FOXN3: variants seen among roughly 807,000 people sequenced by gnomAD.
The protein encoded by FOXN3 is forkhead box N3.
In FOXN3, 7 loss-of-function variants were observed where a neutral mutation model predicts 38.4. The observed-to-expected ratio is 0.18, with a 90% CI of 0.10 to 0.34. FOXN3 has a LOEUF of 0.34. Ranked by LOEUF, FOXN3 falls within the 10% of genes least tolerant of loss-of-function variation. FOXN3 has a pLI of 1.00. For synonymous variants in FOXN3, 230 were observed against 242.2 expected, an observed-to-expected ratio of 0.95 and a Z score of 0.47; for missense variants, 456 against 613.4, an observed-to-expected ratio of 0.74 and a Z score of 2.71.
intron 1 of FOXN3, among the ~76,000 whole-genome samples, chr14:89,457,376 C>G (rs1892748331): frequency 6.6e-6 from 1 of 152,138 alleles, no homozygotes; most frequent in Admixed American, 6.5e-5. Flanking sequence ...GATACCTGGA[C>G]CTGTTTACTA....
intron 1 of FOXN3, among the ~76,000 whole-genome samples, chr14:89,580,584 A>G (rs1184062750): frequency 6.6e-6 from 1 of 152,066 alleles, no homozygotes; most frequent in Non-Finnish European, 1.5e-5. Flanking sequence ...CCTCTGCCCA[A>G]CCTCCATCTG....
rs573151962 is a variant in FOXN3 at position 89,250,527 on chromosome 14, A to AAAGGG, written c.745+30422_745+30423insCCCTT. 2.0e-4 allele frequency among the ~76,000 whole-genome samples: 30 copies of AAAGGG among 152,380 alleles called. 1 individual carries two copies. The South Asian group carries it at 6.0e-3, about 30-fold the overall frequency. On this transcript the variant is annotated intron_variant, in intron 4 of 5. Coordinates refer to ENST00000557258, the MANE Select transcript of FOXN3 (RefSeq NM_005197.4). The stretch of plus-strand genomic sequence containing the variant: ...GCAAAAACACCTGTTGGTTATAAAG[A>AAAGGG]AAAGCAGCCTTTGATGTCTCCCAGA...
rs1032063820 is a variant in FOXN3, at chr14:89,295,762, A to ATTTTTTTTT, written c.681-14757_681-14749dup. 1.5e-3 allele frequency among the ~76,000 whole-genome samples: 187 copies of ATTTTTTTTT among 123,210 alleles called. 4 individuals carry two copies. Among genetic ancestry groups the ATTTTTTTTT allele is most frequent in the African/African-American group, 5.4e-3 (176 of 32,764 alleles). 80.8% of individuals were successfully genotyped at this position (123,210 alleles called of 152,430 possible). A position where few individuals can be genotyped will look rare whatever the true frequency, so the allele number is the denominator to read the frequency against. ...GCCACCATGCCTGGCTAATTTTTGC[A>ATTTTTTTTT]TTTTTTTTTTTTTTTTTTGTAGAGA... is the stretch of plus-strand genomic sequence containing the variant. On this transcript the variant is annotated intron_variant, in intron 3 of 5. Coordinates refer to ENST00000557258, the MANE Select transcript of FOXN3 (RefSeq NM_005197.4).
chr14:89,521,681 T>C (rs1364219354), intron 1 of FOXN3, among the ~76,000 whole-genome samples: 2 of 151,938 alleles, frequency 1.3e-5, no homozygotes, highest in African/African-American at 2.4e-5. Flanking sequence ...CCAAGCAAAA[T>C]ACATGCAAAG....
Position 89,588,339 on chromosome 14 carries a change from G to A in FOXN3, c.-15+30689C>T, listed in dbSNP as rs557896994. On this transcript the variant is annotated intron_variant, in intron 1 of 6. Coordinates refer to the FOXN3 transcript ENST00000345097. ...AAACTTCTTTTCTTATAAATTACCCGGTCTCAGGTATTTATAGCAATGCAA... is the reference window on the plus strand; with the variant it reads ...AAACTTCTTTTCTTATAAATTACCCAGTCTCAGGTATTTATAGCAATGCAA... Among the ~76,000 whole-genome samples the A allele has an allele frequency of 9.2e-5, 14 of 152,006 alleles. 1 individual carries two copies. The highest frequency in any genetic ancestry group is 7.8e-4 in the East Asian group (4 of 5,148).
At chr14:89,387,870 A>G (rs1008436027) in intron 2 of FOXN3, among the ~76,000 whole-genome samples, 2 of 152,210 alleles carry the variant, frequency 1.3e-5, no homozygotes, top group African/African-American at 4.8e-5. Flanking sequence ...CACACTACAG[A>G]GAAGCAACAT....
intron 2 of FOXN3, among the ~76,000 whole-genome samples, chr14:89,370,423 G>A (rs1890283841): frequency 6.6e-6 from 1 of 152,226 alleles, no homozygotes; most frequent in Non-Finnish European, 1.5e-5. Flanking sequence ...CAGCCCTCTA[G>A]AAATATTTTC....
At chr14:89,559,384 T>C (rs1895199998) in intron 1 of FOXN3, among the ~76,000 whole-genome samples, 2 of 151,708 alleles carry the variant, frequency 1.3e-5, no homozygotes, top group Non-Finnish European at 2.9e-5. Context: ...CTCTAAACAA[T>C]GTAGCAAATA....
chr14:89,350,697 G>A lies in FOXN3; in HGVS notation c.655C>T (p.Pro219Ser), dbSNP rs765340874. Residue 219 changes from proline (P) to serine (S), a missense_variant, in exon 3 of 6, where the codon CCC (proline) becomes TCC (serine). Around this residue, in one of 3 missense-constraint regions of FOXN3, gnomAD observed 386 missense variants for 505.2 expected, o/e 0.76. Transcript: ENST00000557258. Reference sequence around the variant, plus strand: ...CTTTGATATGCCTGAGGACAGGTGGGAGGTGTATTGAACACGTGTGGGTGT... The same window carrying A: ...CTTTGATATGCCTGAGGACAGGTGGAAGGTGTATTGAACACGTGTGGGTGT... ...HPHPHVFNTP[P>S]TCPQAYQSTS... 18 of 1,579,624 alleles carry A rather than the reference G, an allele frequency of 1.1e-5. No individual in the cohort carries two copies. The highest frequency in any genetic ancestry group is 1.5e-5 in the Non-Finnish European group (18 of 1,167,548).
chr14:89,406,050 G>A (rs888026797), intron 2 of FOXN3, among the ~76,000 whole-genome samples: 8 of 152,090 alleles, frequency 5.3e-5, no homozygotes, highest in African/African-American at 1.9e-4. Context: ...GTCACCAGGC[G>A]ATCTTCCCAA....
In FOXN3 at chr14:89,537,339, G is replaced by GCATT. The variant is rs373924670; in HGVS notation, c.-15+81688_-15+81689insAATG. On this transcript the variant is annotated intron_variant, in intron 1 of 6. Coordinates refer to the FOXN3 transcript ENST00000345097. ...GAATTCCATGGAATGACTGATGGATGCATGGATGGACTGTCCAACCTAGAG... is the reference window on the plus strand; with the variant it reads ...GAATTCCATGGAATGACTGATGGATGCATTCATGGATGGACTGTCCAACCTAGAG... 1.6e-3 allele frequency among the ~76,000 whole-genome samples: 251 copies of GCATT among 152,134 alleles called. 1 individual carries two copies. Among genetic ancestry groups the GCATT allele is most frequent in the African/African-American group, 5.3e-3 (221 of 41,480 alleles).
intron 2 of FOXN3, among the ~76,000 whole-genome samples, chr14:89,379,649 A>G (rs1890583378): frequency 6.6e-6 from 1 of 151,996 alleles, no homozygotes; most frequent in African/African-American, 2.4e-5. Flanking sequence ...TTTTATTTTT[A>G]TTTTTCATTA....
At chr14:89,424,982 G>T (rs1445618382) in intron 1 of FOXN3, among the ~76,000 whole-genome samples, 1 of 152,030 alleles carries the variant, frequency 6.6e-6, no homozygotes, top group Non-Finnish European at 1.5e-5. Context: ...TGATACAAGA[G>T]GAGATCACCT....
At chr14:89,291,239 T>TTTGA (rs1485588177) in intron 3 of FOXN3, 7 of 430,678 alleles carry the variant, frequency 1.6e-5, no homozygotes, top group Non-Finnish European at 3.2e-5. Flanking sequence ...TGTTACTCCC[T>TTTGA]CGGTTTCTCT....
intron 3 of FOXN3, among the ~76,000 whole-genome samples, chr14:89,304,449 G>A (rs1887315462): frequency 6.6e-6 from 1 of 152,152 alleles, no homozygotes; most frequent in Non-Finnish European, 1.5e-5. Flanking sequence ...TGGAGGTGGG[G>A]GCAGGAGAGG....
intron 1 of FOXN3, among the ~76,000 whole-genome samples, chr14:89,587,542 G>C (rs1179766870): frequency 8.5e-5 from 13 of 152,150 alleles, no homozygotes; most frequent in Admixed American, 8.5e-4. Context: ...ACCACTGTGT[G>C]GGAGAAGCAA....
chr14:89,189,857 G>T (rs1375227829), intron 4 of FOXN3, among the ~76,000 whole-genome samples: 19 of 152,214 alleles, frequency 1.2e-4, no homozygotes, highest in Admixed American at 7.9e-4. Flanking sequence ...TGGGAGGCTG[G>T]ATAGAAATGG....
At chr14:89,340,933 C>T (rs377127864) in intron 3 of FOXN3, among the ~76,000 whole-genome samples, 1 of 152,108 alleles carries the variant, frequency 6.6e-6, no homozygotes, top group African/African-American at 2.4e-5. Flanking sequence ...AGAGAAGAGC[C>T]TGACCTCTCA....
intron 2 of FOXN3, chr14:89,409,543 T>C (rs1261242162): frequency 6.6e-6 from 1 of 152,286 alleles, no homozygotes; most frequent in African/African-American, 2.4e-5. Flanking sequence ...ACCGGCATTA[T>C]GTCAAACACG....
Sources: gnomAD v4.1 joint callset for allele counts (sites outside exome capture counted in the v4.1 genomes callset) on GRCh38, gnomAD v4.1.1 for gene constraint, gnomAD v4.1.1 regional missense constraint, MANE v1.5 for transcripts, NCBI Gene and HGNC (gene_info 2026-07-23, HGNC 2026-07-21) for gene names.